HEMK2: variants seen among roughly 807,000 people sequenced by gnomAD.
HEMK2 encodes the protein HemK methyltransferase 2, ETF1 glutamine and histone H4 lysine.
the HEMK2 span, among the ~76,000 whole-genome samples, chr21:28,721,941 C>CACACA: frequency 2.7e-5 from 4 of 148,248 alleles, no homozygotes; most frequent in African/African-American, 1.0e-4. Flanking sequence ...CACACACATA[C>CACACA]ACCTATTTGA....
the HEMK2 span, among the ~76,000 whole-genome samples, chr21:28,701,559 TACACACAC>T: frequency 2.2e-5 from 1 of 45,744 alleles, no homozygotes; most frequent in South Asian, 6.2e-4. Context: ...CACACACACA[TACACACAC>T]ACACACACAC....
At chr21:28,759,748 T>A in the HEMK2 span, among the ~76,000 whole-genome samples, 1 of 152,130 alleles carries the variant, frequency 6.6e-6, no homozygotes, top group Non-Finnish European at 1.5e-5. Flanking sequence ...TTGTAAGGGA[T>A]TTCCTCTTTT....
At chr21:28,863,253 A>G in the HEMK2 span, among the ~76,000 whole-genome samples, 8 of 151,340 alleles carry the variant, frequency 5.3e-5, no homozygotes, top group South Asian at 1.0e-3. Context: ...CTTCCAGCCT[A>G]TATCTTTCTC....
chr21:28,839,033 G>T, the HEMK2 span, among the ~76,000 whole-genome samples: 1 of 129,330 alleles, frequency 7.7e-6, no homozygotes, highest in Admixed American at 8.3e-5. Flanking sequence ...ATGATAAAGT[G>T]GGTTTCATAC....
the HEMK2 span, among the ~76,000 whole-genome samples, chr21:28,696,216 A>T: frequency 6.6e-6 from 1 of 152,152 alleles, no homozygotes. Context: ...GGTCCCTCCC[A>T]CAACACATGG....
At chr21:28,576,158 A>C in the HEMK2 span, among the ~76,000 whole-genome samples, 2 of 152,208 alleles carry the variant, frequency 1.3e-5, no homozygotes, top group African/African-American at 4.8e-5. Flanking sequence ...TGTTATAAGA[A>C]ACTGCCAAAC....
the HEMK2 span, among the ~76,000 whole-genome samples, chr21:28,742,089 T>C: frequency 6.6e-6 from 1 of 152,146 alleles, no homozygotes; most frequent in Non-Finnish European, 1.5e-5. Context: ...AAAGTATTGT[T>C]GGAACACAGC....
the HEMK2 span, among the ~76,000 whole-genome samples, chr21:28,841,918 T>G: frequency 6.6e-6 from 1 of 152,210 alleles, no homozygotes; most frequent in African/African-American, 2.4e-5. Flanking sequence ...ATTAGGCACA[T>G]TCTGTGCAAC....
At chr21:28,744,238 A>G in the HEMK2 span, among the ~76,000 whole-genome samples, 9 of 152,316 alleles carry the variant, frequency 5.9e-5, no homozygotes, top group African/African-American at 2.2e-4. Context: ...CTGAACCTAA[A>G]ATAAACATTA....
At chr21:28,742,501 G>A in the HEMK2 span, among the ~76,000 whole-genome samples, 1 of 152,154 alleles carries the variant, frequency 6.6e-6, no homozygotes, top group East Asian at 1.9e-4. Flanking sequence ...CCAAGTGCTG[G>A]TAGCTAGAAT....
chr21:28,715,797 T>C, the HEMK2 span, among the ~76,000 whole-genome samples: 6 of 152,158 alleles, frequency 3.9e-5, no homozygotes, highest in Non-Finnish European at 8.8e-5. Context: ...GTCTTTAATC[T>C]ATCTTAAGTT....
At chr21:28,608,388 CAA>C in the HEMK2 span, among the ~76,000 whole-genome samples, 171 of 117,866 alleles carry the variant, frequency 1.5e-3, no homozygotes, top group Non-Finnish European at 2.0e-3. Context: ...TTTTCAACTT[CAA>C]AAAAAAAAAA....
At chr21:28,868,511 C>T in the HEMK2 span, among the ~76,000 whole-genome samples, 7 of 152,032 alleles carry the variant, frequency 4.6e-5, no homozygotes, top group Non-Finnish European at 7.4e-5. Flanking sequence ...GTGAGACCCC[C>T]GTCTCTACTA....
the HEMK2 span, among the ~76,000 whole-genome samples, chr21:28,621,829 T>C: frequency 2.0e-5 from 3 of 152,236 alleles, no homozygotes; most frequent in Admixed American, 2.0e-4. Context: ...CTTCAGTTGC[T>C]TCAGGCCATC....
At chr21:28,632,101 G>C in the HEMK2 span, among the ~76,000 whole-genome samples, 1 of 152,152 alleles carries the variant, frequency 6.6e-6, no homozygotes, top group Non-Finnish European at 1.5e-5. Context: ...AAAGGCGAAA[G>C]TTTGTTAAAA....
At chr21:28,880,728 G>A in the HEMK2 span, among the ~76,000 whole-genome samples, 1 of 150,266 alleles carries the variant, frequency 6.7e-6, no homozygotes, top group Admixed American at 6.6e-5. Flanking sequence ...GGGCGACAGA[G>A]TGAGACTGTG....
At chr21:28,575,601 AT>A in the HEMK2 span, among the ~76,000 whole-genome samples, 2 of 152,012 alleles carry the variant, frequency 1.3e-5, no homozygotes, top group African/African-American at 4.8e-5. Flanking sequence ...ATCACTGTGG[AT>A]TTTTTTTGTC....
At chr21:28,589,292 G>T in the HEMK2 span, among the ~76,000 whole-genome samples, 1 of 152,082 alleles carries the variant, frequency 6.6e-6, no homozygotes, top group African/African-American at 2.4e-5. Flanking sequence ...GCACAGAATG[G>T]ATTTCAACAT....
At chr21:28,876,330 TTCAAAATA>T in the HEMK2 span, 1 of 1,264,346 alleles carries the variant, frequency 7.9e-7, no homozygotes, top group Non-Finnish European at 1.1e-6. Context: ...TGACTTCAGT[TTCAAAATA>T]TGCTAAATGC....
Sources: allele counts gnomAD v4.1 joint callset (sites outside exome capture counted in the v4.1 genomes callset), GRCh38; gene constraint gnomAD v4.1.1; transcripts MANE v1.5; gene names NCBI Gene and HGNC (gene_info 2026-07-23, HGNC 2026-07-21).